COL22A1: variants seen among roughly 807,000 people sequenced by gnomAD.
The protein encoded by COL22A1 is collagen type XXII alpha 1 chain, also known as collagen alpha-1(XXII) chain.
In COL22A1, 221 loss-of-function variants were observed where a neutral mutation model predicts 248.9. The ratio of observed to expected loss-of-function variants is 0.89; its 90% CI spans 0.80 to 0.99. COL22A1 has a LOEUF of 0.99. COL22A1 is among the 50% of genes least tolerant of loss of function. The probability of loss-of-function intolerance (pLI) is 0.00; values close to 1 mark genes in which losing one functional copy is unlikely to be tolerated. For missense variants in COL22A1, 2,240 were observed against 2,179.0 expected, an observed-to-expected ratio of 1.03 and a Z score of -0.56; for synonymous variants, 891 against 793.4, an observed-to-expected ratio of 1.12 and a Z score of -2.07.
intron 23 of COL22A1, among the ~76,000 whole-genome samples, 193 bp downstream of exon 23, chr8:138,737,331 T>C (rs564960574): frequency 6.6e-6 from 1 of 152,150 alleles, no homozygotes; most frequent in Non-Finnish European, 1.5e-5. Context: ...TAGCCAACAA[T>C]GGCCATTCAG....
At chr8:138,699,447 G>A (rs564111325) in intron 32 of COL22A1, among the ~76,000 whole-genome samples, 2 of 152,318 alleles carry the variant, frequency 1.3e-5, no homozygotes, top group South Asian at 4.1e-4. Flanking sequence ...TGCATCAAAG[G>A]CAGCAAAAGA....
intron 16 of COL22A1, among the ~76,000 whole-genome samples, chr8:138,772,286 G>A (rs1834434260): frequency 6.6e-6 from 1 of 152,212 alleles, no homozygotes; most frequent in Non-Finnish European, 1.5e-5. Flanking sequence ...AGACCCAGAG[G>A]TGAATAAGGT....
intron 41 of COL22A1, among the ~76,000 whole-genome samples, chr8:138,672,373 T>C (rs1310964692): frequency 6.6e-6 from 1 of 152,198 alleles, no homozygotes; most frequent in African/African-American, 2.4e-5. Context: ...ATTACTCTAA[T>C]ATTTCAGTGG....
chr8:138,865,611 G>C (rs1822811871), intron 3 of COL22A1, among the ~76,000 whole-genome samples: 1 of 151,470 alleles, frequency 6.6e-6, no homozygotes, highest in South Asian at 2.1e-4. Flanking sequence ...ATGTTTGTAT[G>C]CCTGTGTGTG....
At chr8:138,614,949 C>T (rs1819190491) in intron 55 of COL22A1, among the ~76,000 whole-genome samples, 1 of 152,220 alleles carries the variant, frequency 6.6e-6, no homozygotes, top group South Asian at 2.1e-4. Flanking sequence ...AATTTAAAGG[C>T]AGGCTCTGAA....
At chr8:138,890,014 A>G (rs1311648305) in intron 1 of COL22A1, among the ~76,000 whole-genome samples, 5 of 152,242 alleles carry the variant, frequency 3.3e-5, no homozygotes, top group African/African-American at 1.2e-4. Context: ...TTCGGGCAGC[A>G]TAGTAAAAGT....
intron 7 of COL22A1, among the ~76,000 whole-genome samples, chr8:138,814,496 G>T (rs1334315759): frequency 1.3e-5 from 2 of 152,276 alleles, no homozygotes; most frequent in South Asian, 4.1e-4. Flanking sequence ...GTAGCATGTT[G>T]TCAGCTACTC....
chr8:138,687,173 TCATGAA>T (rs1477084599), intron 37 of COL22A1, among the ~76,000 whole-genome samples: 1 of 152,178 alleles, frequency 6.6e-6, no homozygotes, highest in African/African-American at 2.4e-5. Flanking sequence ...GCCAGGCCCG[TCATGAA>T]CTCCTGACCT....
At position 138,826,344 on chromosome 8, in the gene COL22A1, A is replaced by G. The variant is rs563022651; in HGVS notation, c.969+314T>C. ...CGAAGCTGGGTCACTCATGCTGCCAATATAGGTGTCACAGGACAGCAGAGT... is the reference window on the plus strand; with the variant it reads ...CGAAGCTGGGTCACTCATGCTGCCAGTATAGGTGTCACAGGACAGCAGAGT... On this transcript the variant is annotated intron_variant, in intron 6 of 64. Transcript: ENST00000303045. Among the ~76,000 whole-genome samples the G allele has an allele frequency of 5.9e-5, 9 of 152,286 alleles. No homozygotes were observed. The East Asian group carries it at 1.7e-3, about 29-fold the overall frequency.
intron 1 of COL22A1, among the ~76,000 whole-genome samples, chr8:138,903,457 G>C (rs1814769574): frequency 6.6e-6 from 1 of 152,150 alleles, no homozygotes; most frequent in African/African-American, 2.4e-5. Context: ...ATCATATGTT[G>C]CATCCCATAA....
In COL22A1 at chr8:138,742,339, A is replaced by G. The variant is rs1449958094; in HGVS notation, c.2086-4762T>C. ...TGGTGGAGTTGATGGTGATGGTGCTAGTGATCGTGATGGTGATGGTGGAGT... is the reference window on the plus strand; with the variant it reads ...TGGTGGAGTTGATGGTGATGGTGCTGGTGATCGTGATGGTGATGGTGGAGT... On this transcript the variant is annotated intron_variant, in intron 22 of 64. Coordinates refer to ENST00000303045, the MANE Select transcript of COL22A1 (RefSeq NM_152888.3). 2.3e-4 allele frequency among the ~76,000 whole-genome samples: 31 copies of G among 132,102 alleles called. No homozygotes were observed. In the East Asian group the frequency reaches 6.3e-3, roughly 27 times the overall value. The allele number at this position is 132,102 out of a possible 152,430, so 86.7% of individuals were successfully genotyped here. A position where few individuals can be genotyped will look rare whatever the true frequency, so the allele number is the denominator to read the frequency against.
At chr8:138,811,358 C>CAT (rs10566310) in intron 9 of COL22A1, among the ~76,000 whole-genome samples, 45 of 150,948 alleles carry the variant, frequency 3.0e-4, no homozygotes, top group East Asian at 3.9e-4. Flanking sequence ...TATATACACA[C>CAT]ATATATATAT....
At chr8:138,911,572 A>C (rs1815453736) in intron 1 of COL22A1, among the ~76,000 whole-genome samples, 1 of 152,192 alleles carries the variant, frequency 6.6e-6, no homozygotes. Flanking sequence ...GGGATGGCTA[A>C]TCCTCACCCC....
Position 138,726,460 on chromosome 8 carries a change from G to A in COL22A1, c.2140-1020C>T, listed in dbSNP as rs187238200. Among the ~76,000 whole-genome samples, 20 of 146,450 alleles carry A rather than the reference G, an allele frequency of 1.4e-4. No individual in the cohort carries two copies. The East Asian group carries it at 3.8e-3, about 28-fold the overall frequency. On this transcript the variant is annotated intron_variant, in intron 23 of 64. Coordinates refer to ENST00000303045, the MANE Select transcript of COL22A1 (RefSeq NM_152888.3). ...TGCAGTGAGCTGTGATTGTGCCATTGTACTCTGGCCTGGGTGCAGAGCAAT... is the reference window on the plus strand; with the variant it reads ...TGCAGTGAGCTGTGATTGTGCCATTATACTCTGGCCTGGGTGCAGAGCAAT...
In COL22A1 at chr8:138,812,999, C is replaced by T; in HGVS notation, c.1266G>A (p.Val422=). Residue 422 remains valine (V), a synonymous_variant, in exon 8 of 65, where the codon GTG becomes GTA. Coordinates refer to ENST00000303045, the MANE Select transcript of COL22A1 (RefSeq NM_152888.3). ...VPIDFDLQRI[V]IYCDSRHAEL... ...CTGCGTGTCTCGAGTCACAATAGAT[C>T]ACAATCCGCTGTAGGTCAAACTGGA... The T allele has an allele frequency of 6.2e-7, 1 of 1,614,000 alleles. No homozygotes were observed. The highest frequency in any genetic ancestry group is 8.5e-7 in the Non-Finnish European group (1 of 1,179,886).
At chr8:138,594,310 C>A (rs987928364) in intron 62 of COL22A1, 111 bp from the exon 63 acceptor site, 1 of 858,484 alleles carries the variant, frequency 1.2e-6, no homozygotes, top group Admixed American at 3.7e-5. Context: ...GCTGCAGAAA[C>A]GGACATAGGA....
At chr8:138,659,371 G>C (rs1489262977) in intron 44 of COL22A1, among the ~76,000 whole-genome samples, 1 of 152,158 alleles carries the variant, frequency 6.6e-6, no homozygotes, top group African/African-American at 2.4e-5. Flanking sequence ...TTGGGTCCTT[G>C]CCTGGAATTT....
intron 12 of COL22A1, among the ~76,000 whole-genome samples, chr8:138,782,815 C>T (rs934662905): frequency 1.3e-5 from 2 of 152,110 alleles, no homozygotes; most frequent in Admixed American, 6.5e-5. Context: ...CCCAGGCCCA[C>T]GATGACAGAC....
At chr8:138,833,958 A>C (rs1336635417) in intron 4 of COL22A1, among the ~76,000 whole-genome samples, 1 of 152,156 alleles carries the variant, frequency 6.6e-6, no homozygotes, top group African/African-American at 2.4e-5. Context: ...TAAGACCCTA[A>C]ATATGTGTCA....
Sources: gnomAD v4.1 joint callset for allele counts (sites outside exome capture counted in the v4.1 genomes callset) on GRCh38, gnomAD v4.1.1 for gene constraint, MANE v1.5 for transcripts, NCBI Gene and HGNC (gene_info 2026-07-23, HGNC 2026-07-21) for gene names.